SRPK2: variants seen among roughly 807,000 people sequenced by gnomAD.
The protein encoded by SRPK2 is SFRS protein kinase 2.
A neutral mutation model predicts 90.8 loss-of-function variants in SRPK2; 21 were observed. The observed-to-expected ratio is 0.23, with a 90% CI of 0.16 to 0.33. The LOEUF (loss-of-function observed/expected upper bound fraction) is 0.33. SRPK2 is among the 10% of genes least tolerant of loss of function. The pLI is 1.00. For missense variants in SRPK2, 620 were observed against 869.0 expected (o/e 0.71, Z 3.60); for synonymous variants, 288 against 311.1 (o/e 0.93, Z 0.78).
Position 105,375,983 on chromosome 7 carries a change from C to CTTTT in SRPK2, c.71+12661_71+12664dup, listed in dbSNP as rs34445430. On this transcript the variant is annotated intron_variant, in intron 2 of 15. Transcript: ENST00000393651. ...TGGGCAACGTAATGAGAATTCATTT[C>CTTTT]TTTTTTTTTTTTTTTTTTTTTTTTT... Among the ~76,000 whole-genome samples the CTTTT allele has an allele frequency of 7.4e-3, 470 of 63,180 alleles. 118 individuals are homozygous for CTTTT. The highest frequency in any genetic ancestry group is 0.01 in the Non-Finnish European group (359 of 35,852). The allele number at this position is 63,180 out of a possible 152,430, so 41.4% of individuals were successfully genotyped here.
In SRPK2 at chr7:105,160,532, C is replaced by A. The variant is rs139310710; in HGVS notation, c.596G>T (p.Arg199Leu). The A allele has an allele frequency of 1.1e-5, 18 of 1,613,184 alleles. No homozygotes were observed. Among genetic ancestry groups the A allele is most frequent in the Non-Finnish European group, 1.2e-5 (14 of 1,179,276 alleles). Residue 199 changes from arginine to leucine, a missense_variant, in exon 7 of 16, where the codon CGT becomes CTT. Arg to Leu is a moderately radical substitution (Grantham distance 102). Coordinates refer to ENST00000393651, the MANE Select transcript of SRPK2 (RefSeq NM_182692.3). ...IKSNYQGLPVRCVKSIIRQVL... is the reference protein window; with the variant it reads ...IKSNYQGLPVLCVKSIIRQVL... Reference sequence around the variant, plus strand: ...CTGTCGAATGATACTCTTCACACAACGTACTGGGAGGCCTTGATAGTTGGA... The same window carrying A: ...CTGTCGAATGATACTCTTCACACAAAGTACTGGGAGGCCTTGATAGTTGGA...
intron 2 of SRPK2, among the ~76,000 whole-genome samples, chr7:105,255,229 G>C (rs1803096924): frequency 1.3e-5 from 2 of 150,918 alleles, no homozygotes. Context: ...CAGATGAAAA[G>C]AGCAATGTTA....
At chr7:105,168,150 T>C in intron 4 of SRPK2, 55 bp from the exon 5 acceptor site, 1 of 1,399,076 alleles carries the variant, frequency 7.1e-7, no homozygotes, top group South Asian at 1.3e-5. Context: ...GTAGAAAGAA[T>C]CACTGGTATC....
chr7:105,367,257 A>G (rs1322525796), intron 2 of SRPK2, among the ~76,000 whole-genome samples: 2 of 151,770 alleles, frequency 1.3e-5, no homozygotes, highest in African/African-American at 4.8e-5. Context: ...CTGGCATCAC[A>G]GGGCTTTGTT....
At chr7:105,385,164 G>T (rs1206926606) in intron 2 of SRPK2, among the ~76,000 whole-genome samples, 1 of 116,594 alleles carries the variant, frequency 8.6e-6, no homozygotes, top group Non-Finnish European at 1.7e-5. Flanking sequence ...GAGCCACCGC[G>T]CCCGGCATTT....
At chr7:105,145,865 A>G (rs1218557219) in intron 8 of SRPK2, among the ~76,000 whole-genome samples, 2 of 152,180 alleles carry the variant, frequency 1.3e-5, no homozygotes, top group African/African-American at 4.8e-5. Context: ...AGATGTGAAG[A>G]GAGCCCCAGG....
intron 2 of SRPK2, among the ~76,000 whole-genome samples, chr7:105,271,370 A>G (rs1805807091): frequency 6.6e-6 from 1 of 152,218 alleles, no homozygotes. Context: ...ATAATACATG[A>G]AAAGGTTTCC....
chr7:105,348,706 A>G (rs1816779377), intron 2 of SRPK2, among the ~76,000 whole-genome samples: 1 of 151,614 alleles, frequency 6.6e-6, no homozygotes, highest in African/African-American at 2.4e-5. Context: ...TACAGGCGTG[A>G]GCCACCATGC....
intron 2 of SRPK2, among the ~76,000 whole-genome samples, chr7:105,229,329 C>T (rs762999205): frequency 6.6e-6 from 1 of 152,080 alleles, no homozygotes; most frequent in Admixed American, 6.5e-5. Flanking sequence ...CCGGGCATAG[C>T]GGCGGGCGCC....
chr7:105,397,192 A>G (rs1334333162), intron 1 of SRPK2, among the ~76,000 whole-genome samples: 2 of 151,530 alleles, frequency 1.3e-5, no homozygotes, highest in Non-Finnish European at 1.5e-5. Flanking sequence ...TAATTTTTGT[A>G]TTTTTAATAG....
At chr7:105,184,262 A>T (rs1023166302) in intron 3 of SRPK2, among the ~76,000 whole-genome samples, 1 of 151,880 alleles carries the variant, frequency 6.6e-6, no homozygotes, top group Non-Finnish European at 1.5e-5. Flanking sequence ...TATAGGAGTG[A>T]GCCACCACAC....
At chr7:105,365,041 C>T (rs1818866634) in intron 2 of SRPK2, among the ~76,000 whole-genome samples, 1 of 152,168 alleles carries the variant, frequency 6.6e-6, no homozygotes, top group Non-Finnish European at 1.5e-5. Flanking sequence ...GATCATAAAC[C>T]TGACTACATT....
intron 3 of SRPK2, among the ~76,000 whole-genome samples, chr7:105,190,928 C>A (rs1309864417): frequency 1.3e-5 from 2 of 152,100 alleles, no homozygotes; most frequent in Non-Finnish European, 2.9e-5. Flanking sequence ...GTTTAAAAAG[C>A]TATTTTTAAT....
chr7:105,290,526 A>G lies in SRPK2; in HGVS notation c.72-86741T>C, dbSNP rs751914323. Reference sequence around the variant, plus strand: ...AAAACAAACAAAAACAAAAACCACAATATTAGCAAAGTGCAACAAAATGAA... The same window carrying G: ...AAAACAAACAAAAACAAAAACCACAGTATTAGCAAAGTGCAACAAAATGAA... On this transcript the variant is annotated intron_variant, in intron 2 of 15. Transcript: ENST00000393651. 2.6e-5 allele frequency among the ~76,000 whole-genome samples: 4 copies of G among 152,164 alleles called. No individual in the cohort carries two copies. In the South Asian group the frequency reaches 6.2e-4, roughly 24 times the overall value.
intron 2 of SRPK2, among the ~76,000 whole-genome samples, chr7:105,382,552 CAAAAA>C (rs71152969): frequency 7.9e-5 from 6 of 75,906 alleles, no homozygotes; most frequent in Non-Finnish European, 1.5e-4. Flanking sequence ...AACTCCATCT[CAAAAA>C]AAAAAAAAAA....
chr7:105,227,712 C>A (rs922211988), intron 2 of SRPK2, among the ~76,000 whole-genome samples: 19 of 152,046 alleles, frequency 1.2e-4, no homozygotes, highest in Non-Finnish European at 2.4e-4. Flanking sequence ...TACGACCCAG[C>A]AATCTCACTT....
intron 7 of SRPK2, among the ~76,000 whole-genome samples, chr7:105,159,781 A>T (rs1379232509): frequency 1.3e-5 from 2 of 152,220 alleles, no homozygotes; most frequent in Non-Finnish European, 2.9e-5. Flanking sequence ...CACACATCTA[A>T]TACAGTAATT....
At chr7:105,381,769 C>T (rs1330128460) in intron 2 of SRPK2, among the ~76,000 whole-genome samples, 2 of 151,984 alleles carry the variant, frequency 1.3e-5, no homozygotes, top group African/African-American at 4.8e-5. Context: ...AGAAGTATTC[C>T]AAAGTCATGG....
At chr7:105,369,651 A>G (rs1280583101) in intron 2 of SRPK2, among the ~76,000 whole-genome samples, 1 of 152,216 alleles carries the variant, frequency 6.6e-6, no homozygotes, top group Non-Finnish European at 1.5e-5. Flanking sequence ...TTAGGATAAA[A>G]TACATCATGC....
Sources: gnomAD v4.1 joint callset for allele counts (sites outside exome capture counted in the v4.1 genomes callset) on GRCh38, gnomAD v4.1.1 for gene constraint, MANE v1.5 for transcripts, NCBI Gene and HGNC (gene_info 2026-07-23, HGNC 2026-07-21) for gene names.